TRMT11: variants seen among roughly 807,000 people sequenced by gnomAD.
The protein encoded by TRMT11 is tRNA methyltransferase 11.
TRMT11 carries 53 observed loss-of-function variants against 62.8 expected under a neutral mutation model. The ratio of observed to expected loss-of-function variants is 0.84; its 90% CI spans 0.68 to 1.06. The LOEUF (loss-of-function observed/expected upper bound fraction) is 1.06. Among genes scored for constraint, TRMT11 ranks in the 50% least tolerant of loss-of-function variants. TRMT11 has a pLI of 0.00. For synonymous variants in TRMT11, 188 were observed against 190.3 expected (o/e 0.99, Z 0.10); for missense variants, 556 against 553.4 (o/e 1.00, Z -0.05).
chr6:126,155,782 G>T (rs899282927), intron 21 of TRMT11, among the ~76,000 whole-genome samples: 1 of 152,124 alleles, frequency 6.6e-6, no homozygotes, highest in Non-Finnish European at 1.5e-5. Flanking sequence ...GTGCAGTGGC[G>T]CAGTCTCAGC....
intron 12 of TRMT11, among the ~76,000 whole-genome samples, chr6:126,032,539 AAATTT>A (rs373634379): frequency 5.7e-4 from 87 of 152,268 alleles, no homozygotes; most frequent in Middle Eastern, 6.8e-3. Flanking sequence ...TCATATGAGT[AAATTT>A]AATTCATCCT....
intron 16 of TRMT11, among the ~76,000 whole-genome samples, chr6:126,049,071 T>C (rs1233323278): frequency 6.6e-6 from 1 of 152,214 alleles, no homozygotes; most frequent in Non-Finnish European, 1.5e-5. Flanking sequence ...CTTCCTGCCA[T>C]CCACAGGCAT....
At chr6:126,076,231 C>T (rs558890314) in intron 17 of TRMT11, among the ~76,000 whole-genome samples, 238 of 152,310 alleles carry the variant, frequency 1.6e-3, no homozygotes, top group African/African-American at 5.3e-3. Flanking sequence ...CCAATTACAG[C>T]TCTTATAGTC....
downstream of TRMT11, among the ~76,000 whole-genome samples, chr6:126,042,618 A>G (rs1257106630): frequency 6.6e-6 from 1 of 152,160 alleles, no homozygotes; most frequent in Admixed American, 6.6e-5. Flanking sequence ...AATTGCCTAA[A>G]AAGGAACCTG....
intron 1 of TRMT11, among the ~76,000 whole-genome samples, chr6:125,988,282 C>G (rs1790006171): frequency 1.3e-5 from 2 of 152,092 alleles, no homozygotes; most frequent in Admixed American, 6.5e-5. Context: ...AGCCAGGTGG[C>G]TTGGTTTAGT....
intron 7 of TRMT11, among the ~76,000 whole-genome samples, chr6:126,000,079 A>G (rs190293236): frequency 1.1e-4 from 16 of 152,278 alleles, no homozygotes; most frequent in African/African-American, 3.6e-4. Context: ...GAGTTGGTTT[A>G]TGGAGGTTTA....
At chr6:126,152,210 T>C (rs114835773) in intron 21 of TRMT11, among the ~76,000 whole-genome samples, 6,293 of 151,134 alleles carry the variant, frequency 0.042, 448 homozygotes, top group African/African-American at 0.15. Context: ...CTTCCTGAAA[T>C]GCAGATTAGG....
At chr6:126,072,530 A>G (rs1023184216) in intron 17 of TRMT11, among the ~76,000 whole-genome samples, 11 of 152,366 alleles carry the variant, frequency 7.2e-5, no homozygotes, top group Non-Finnish European at 1.6e-4. Flanking sequence ...CTTGATACCA[A>G]GAGCTCGTCT....
chr6:126,055,779 C>A (rs1255024704), intron 17 of TRMT11, among the ~76,000 whole-genome samples: 2 of 152,156 alleles, frequency 1.3e-5, no homozygotes, highest in African/African-American at 4.8e-5. Flanking sequence ...TTTCATGCTT[C>A]CTCAGTGTTC....
chr6:126,059,389 T>C (rs1776465985), intron 17 of TRMT11, among the ~76,000 whole-genome samples: 1 of 152,160 alleles, frequency 6.6e-6, no homozygotes, highest in Middle Eastern at 3.2e-3. Flanking sequence ...TCTCCTGATA[T>C]ACTTTGGACT....
chr6:126,027,753 A>T (rs1280173766), intron 12 of TRMT11, among the ~76,000 whole-genome samples: 1 of 152,196 alleles, frequency 6.6e-6, no homozygotes. Flanking sequence ...TGAATGAAAG[A>T]GTCCAGTAAC....
At chr6:126,102,040 G>A (rs1006336272) in intron 17 of TRMT11, among the ~76,000 whole-genome samples, 17 of 152,166 alleles carry the variant, frequency 1.1e-4, no homozygotes, top group Middle Eastern at 3.2e-3. Context: ...GATGTAGTGC[G>A]TTCTAAATTT....
At chr6:126,262,679 TCTC>T in the TRMT11 span, among the ~76,000 whole-genome samples, 2 of 152,174 alleles carry the variant, frequency 1.3e-5, no homozygotes, top group Admixed American at 6.5e-5. Context: ...ACTGGGGGAT[TCTC>T]CTGTAGCAAG....
At chr6:126,140,276 C>T (rs928356023) in intron 21 of TRMT11, among the ~76,000 whole-genome samples, 4 of 151,816 alleles carry the variant, frequency 2.6e-5, no homozygotes, top group African/African-American at 7.3e-5. Context: ...ATCTGATTTG[C>T]TAATATGTAA....
chr6:126,061,540 ATTTTTTTTTTTT>A (rs5879799), intron 17 of TRMT11, among the ~76,000 whole-genome samples: 28 of 135,424 alleles, frequency 2.1e-4, no homozygotes, highest in Non-Finnish European at 6.3e-5. Context: ...GGATCAGTCA[ATTTTTTTTTTTT>A]TTTTTTTTAG....
At chr6:126,014,700 T>C (rs929532575) in intron 11 of TRMT11, among the ~76,000 whole-genome samples, 8 of 152,330 alleles carry the variant, frequency 5.3e-5, no homozygotes, top group African/African-American at 1.7e-4. Flanking sequence ...ACTCTAGTTA[T>C]GCATTTCGTT....
the TRMT11 span, among the ~76,000 whole-genome samples, chr6:126,252,435 G>C: frequency 1.3e-5 from 2 of 152,226 alleles, no homozygotes; most frequent in African/African-American, 4.8e-5. Flanking sequence ...GTCCAAAGTG[G>C]ATGTTGCAGG....
the TRMT11 span, among the ~76,000 whole-genome samples, chr6:126,232,451 G>A: frequency 4.6e-5 from 7 of 151,542 alleles, no homozygotes; most frequent in Non-Finnish European, 8.8e-5. Flanking sequence ...AAATACCTGC[G>A]ACTCAGGTAT....
chr6:126,265,111 C>T, the TRMT11 span, among the ~76,000 whole-genome samples: 2 of 152,084 alleles, frequency 1.3e-5, no homozygotes, highest in Non-Finnish European at 2.9e-5. Flanking sequence ...TGTTCATATA[C>T]ACACATGCAC....
Sources: gnomAD v4.1 joint callset for allele counts (sites outside exome capture counted in the v4.1 genomes callset) on GRCh38, gnomAD v4.1.1 for gene constraint, MANE v1.5 for transcripts, NCBI Gene and HGNC (gene_info 2026-07-23, HGNC 2026-07-21) for gene names.